The following CCDC93 variants were observed in gnomAD, a reference collection of about 807,000 sequenced individuals.
The protein encoded by CCDC93 is coiled-coil domain-containing protein 93.
A neutral mutation model predicts 108.2 loss-of-function variants in CCDC93; 61 were observed. That is an observed-to-expected ratio of 0.56 (90% CI 0.46 to 0.70). The LOEUF (loss-of-function observed/expected upper bound fraction) is 0.70. Ranked by LOEUF, CCDC93 falls within the 30% of genes least tolerant of loss-of-function variation. The probability of loss-of-function intolerance (pLI) is 0.00; values close to 1 mark genes in which losing one functional copy is unlikely to be tolerated. For missense variants in CCDC93, 685 were observed against 764.2 expected (o/e 0.90, Z 1.22); for synonymous variants, 276 against 260.4 (o/e 1.06, Z -0.58).
intron 6 of CCDC93, among the ~76,000 whole-genome samples, chr2:117,994,728 A>T (rs1680591228): frequency 6.6e-6 from 1 of 152,216 alleles, no homozygotes; most frequent in Non-Finnish European, 1.5e-5. Context: ...AATACAAGAA[A>T]CTATGCAACT....
chr2:118,006,666 C>CA (rs34609704), intron 3 of CCDC93, 56 bp downstream of exon 3: 399,122 of 973,816 alleles, frequency 0.41, 85,261 homozygotes, highest in East Asian at 0.69. Context: ...ACACAGTAGA[C>CA]ACTCAAAAGT....
intron 11 of CCDC93, among the ~76,000 whole-genome samples, chr2:117,958,725 A>T (rs979366390): frequency 6.6e-6 from 1 of 152,254 alleles, no homozygotes; most frequent in African/African-American, 2.4e-5. Flanking sequence ...GTACAGGGAC[A>T]TAACTGTGGT....
intron 6 of CCDC93, among the ~76,000 whole-genome samples, chr2:117,993,393 C>CA (rs61495252): frequency 0.044 from 2,808 of 63,520 alleles, 42 homozygotes; most frequent in Middle Eastern, 0.071. Context: ...GACTCCGTCT[C>CA]AAAAAAAAAA....
chr2:117,964,027 G>T (rs539425529), intron 11 of CCDC93, among the ~76,000 whole-genome samples: 7 of 152,130 alleles, frequency 4.6e-5, no homozygotes, highest in Admixed American at 2.0e-4. Context: ...CGTAAGAGTC[G>T]ATCCGAATTC....
At chr2:117,935,200 T>G (rs760757700) in intron 22 of CCDC93, among the ~76,000 whole-genome samples, 19 of 152,166 alleles carry the variant, frequency 1.2e-4, no homozygotes, top group African/African-American at 2.2e-4. Flanking sequence ...GGTGTGATAC[T>G]GTTCACTTCA....
intron 13 of CCDC93, chr2:117,951,750 G>A: frequency 1.1e-6 from 1 of 951,266 alleles, no homozygotes. Context: ...CATGACAGAG[G>A]TGGCAGCAGA....
chr2:117,952,565 T>C (rs937510945), intron 12 of CCDC93, 130 bp from the exon 13 acceptor site: 9 of 688,918 alleles, frequency 1.3e-5, no homozygotes, highest in African/African-American at 5.4e-5. Flanking sequence ...TTTAAAAGGG[T>C]TGCCAACAAC....
chr2:117,920,514 G>T, intron 23 of CCDC93, 118 bp from the exon 24 acceptor site: 1 of 586,916 alleles, frequency 1.7e-6, no homozygotes, highest in Non-Finnish European at 3.0e-6. Flanking sequence ...GGCCAACCCA[G>T]TCTCTTGGCA....
chr2:118,013,896 C>T, intron 1 of CCDC93, 58 bp downstream of exon 1: 2 of 1,451,430 alleles, frequency 1.4e-6, no homozygotes, highest in East Asian at 2.7e-5. Context: ...CGCCGCCCCG[C>T]GGCTCGGCCC....
intron 1 of CCDC93, among the ~76,000 whole-genome samples, chr2:118,009,147 G>C (rs1489184144): frequency 6.6e-6 from 1 of 151,936 alleles, no homozygotes; most frequent in Non-Finnish European, 1.5e-5. Flanking sequence ...GAGGCGGGCG[G>C]ATCACTTGAG....
chr2:117,945,702 T>C lies in CCDC93; in HGVS notation c.1297-120A>G, dbSNP rs565034637. On this transcript the variant is annotated intron_variant, in intron 16 of 23. Coordinates refer to ENST00000376300, the MANE Select transcript of CCDC93 (RefSeq NM_019044.5). ...CATAAGGGTGCAGCTGAGAAATGTG[T>C]TGATGTCCCCCGAGCATGTCTGAAG... 2.6e-4 allele frequency: 199 copies of C among 769,680 alleles called. 1 individual carries two copies. In the African/African-American group the frequency reaches 3.1e-3, roughly 12 times the overall value. The allele number at this position is 769,680 out of a possible 1,614,324, so 47.7% of individuals were successfully genotyped here. A position where few individuals can be genotyped will look rare whatever the true frequency, so the allele number is the denominator to read the frequency against.
intron 13 of CCDC93, chr2:117,951,653 C>T (rs1303138718): frequency 1.0e-6 from 1 of 1,000,012 alleles, no homozygotes; most frequent in Non-Finnish European, 1.2e-6. Flanking sequence ...AGTCCAAGCA[C>T]CAAAATCACA....
At position 117,932,981 on chromosome 2, in the gene CCDC93, G is replaced by A. The variant is rs746532876; in HGVS notation, c.1729-1831C>T. Among the ~76,000 whole-genome samples the A allele has an allele frequency of 2.0e-4, 30 of 152,326 alleles. 1 individual carries two copies. Among genetic ancestry groups the A allele is most frequent in the Admixed American group, 3.3e-4 (5 of 15,302 alleles). ...CCGTGACTGATTATGTCCTAGTGAG[G>A]TAGCAATGCGCTTGAATTATGAATT... On this transcript the variant is annotated intron_variant, in intron 22 of 23. Coordinates refer to ENST00000376300, the MANE Select transcript of CCDC93 (RefSeq NM_019044.5).
intron 3 of CCDC93, among the ~76,000 whole-genome samples, chr2:118,003,681 C>T (rs1167551611): frequency 6.6e-6 from 1 of 152,166 alleles, no homozygotes; most frequent in African/African-American, 2.4e-5. Context: ...AGCCAGCCTA[C>T]TCACCCAGTT....
chr2:117,952,854 T>A (rs1341738729), intron 12 of CCDC93, among the ~76,000 whole-genome samples: 3 of 152,182 alleles, frequency 2.0e-5, no homozygotes, highest in Non-Finnish European at 1.5e-5. Flanking sequence ...GTTTGCAGAA[T>A]ACAAACAGCA....
At chr2:117,946,704 T>TG in intron 16 of CCDC93, 107 bp downstream of exon 16, 1 of 731,572 alleles carries the variant, frequency 1.4e-6, no homozygotes, top group African/African-American at 1.7e-5. Context: ...GAGGAATGTC[T>TG]ATTTACAGGA....
intron 11 of CCDC93, among the ~76,000 whole-genome samples, chr2:117,971,859 A>T (rs1679774280): frequency 6.6e-6 from 1 of 152,258 alleles, no homozygotes; most frequent in Non-Finnish European, 1.5e-5. Flanking sequence ...ATAGGATTAA[A>T]GGCAATTTAA....
chr2:117,989,549 C>A (rs564121102), intron 6 of CCDC93, among the ~76,000 whole-genome samples: 1 of 152,314 alleles, frequency 6.6e-6, no homozygotes, highest in East Asian at 1.9e-4. Context: ...GCTCCTTGAA[C>A]ATGGTCTGGC....
At chr2:117,952,838 T>C (rs544264913) in intron 12 of CCDC93, among the ~76,000 whole-genome samples, 1 of 152,320 alleles carries the variant, frequency 6.6e-6, no homozygotes, top group South Asian at 2.1e-4. Context: ...GTTAACCCAC[T>C]TGCCTGTTTG....
Sources: gnomAD v4.1 joint callset for allele counts (sites outside exome capture counted in the v4.1 genomes callset) on GRCh38, gnomAD v4.1.1 for gene constraint, MANE v1.5 for transcripts, NCBI Gene and HGNC (gene_info 2026-07-23, HGNC 2026-07-21) for gene names.